RNF115: variants seen among roughly 807,000 people sequenced by gnomAD.
The protein encoded by RNF115 is E3 ubiquitin-protein ligase RNF115.
A neutral mutation model predicts 39.2 loss-of-function variants in RNF115; 31 were observed. That is an observed-to-expected ratio of 0.79 (90% CI 0.59 to 1.07). RNF115 has a LOEUF of 1.07. RNF115 is among the 50% of genes least tolerant of loss of function. The pLI, the probability that RNF115 is intolerant of heterozygous loss-of-function variation, is 0.00. For synonymous variants in RNF115, 124 were observed against 131.0 expected, an observed-to-expected ratio of 0.95 and a Z score of 0.37; for missense variants, 384 against 381.7, an observed-to-expected ratio of 1.01 and a Z score of -0.05.
rs1321155449 is a variant in RNF115, at chr1:145,767,992, TGGGGAG to T, written c.428+3713_428+3718del. Among the ~76,000 whole-genome samples the T allele has an allele frequency of 4.9e-3, 741 of 151,592 alleles. 35 individuals are homozygous for T. In the East Asian group the frequency reaches 0.11, roughly 22 times the overall value. ...TGGCAAGAGAGGGAGAGGGAGACCG[TGGGGAG>T]AGGGAGAGGGAGAGGGAGAGGGAGC... On this transcript the variant is annotated intron_variant, in intron 4 of 8. Transcript: ENST00000582693.
At chr1:145,785,352 T>C (rs1648333070) in intron 2 of RNF115, among the ~76,000 whole-genome samples, 1 of 152,246 alleles carries the variant, frequency 6.6e-6, no homozygotes, top group African/African-American at 2.4e-5. Context: ...TACACAGTAC[T>C]ATCACCTTTT....
At chr1:145,789,102 G>GTTT in intron 1 of RNF115, 136 bp from the exon 2 acceptor site, 13 of 484,202 alleles carry the variant, frequency 2.7e-5, no homozygotes, top group East Asian at 7.0e-5. Flanking sequence ...AGTAGTTTTT[G>GTTT]TTTTTTTTTT....
intron 1 of RNF115, among the ~76,000 whole-genome samples, chr1:145,802,380 A>G (rs1000992617): frequency 3.9e-5 from 6 of 152,184 alleles, no homozygotes; most frequent in Admixed American, 3.9e-4. Context: ...GGGTGGTTTT[A>G]ATGCATTATT....
chr1:145,801,996 C>T (rs1211250470), intron 1 of RNF115, among the ~76,000 whole-genome samples: 1 of 152,122 alleles, frequency 6.6e-6, no homozygotes, highest in African/African-American at 2.4e-5. Flanking sequence ...CCATGTTGCC[C>T]AAGCTAGTCT....
chr1:145,755,659 A>G (rs1213395975), intron 4 of RNF115, among the ~76,000 whole-genome samples: 1 of 152,204 alleles, frequency 6.6e-6, no homozygotes, highest in Non-Finnish European at 1.5e-5. Context: ...ACTTGAGAGT[A>G]TCTTTGGAAC....
At chr1:145,758,798 T>C (rs1296214567) in intron 4 of RNF115, among the ~76,000 whole-genome samples, 1 of 152,218 alleles carries the variant, frequency 6.6e-6, no homozygotes, top group African/African-American at 2.4e-5. Flanking sequence ...CCCATGTTTT[T>C]GTAGCAGTAA....
At chr1:145,809,095 A>G (rs1258777259) in intron 1 of RNF115, among the ~76,000 whole-genome samples, 1 of 152,146 alleles carries the variant, frequency 6.6e-6, no homozygotes, top group East Asian at 1.9e-4. Context: ...TCTACTGGCC[A>G]CTAACTAATG....
chr1:145,787,015 A>G, intron 2 of RNF115: 1 of 1,254,376 alleles, frequency 8.0e-7, no homozygotes, highest in African/African-American at 1.5e-5. Flanking sequence ...TACATACTGT[A>G]AAATGTGTAG....
rs1384985725 is a variant in RNF115, at chr1:145,740,584, C to T, written c.*6282G>A. ...TCTGGACACGCATCTTAGCCCCAAT[C>T]TGTATGAGTGATTCACAAACACGGG... On this transcript the variant is annotated 3_prime_UTR_variant, in exon 9 of 9. Transcript: ENST00000582693. 1.3e-5 allele frequency: 2 copies of T among 152,252 alleles called. No individual in the cohort carries two copies. Among genetic ancestry groups the T allele is most frequent in the Non-Finnish European group, 2.9e-5 (2 of 68,058 alleles). The allele number at this position is 152,252 out of a possible 1,614,324, so 9.4% of individuals were successfully genotyped here.
intron 4 of RNF115, among the ~76,000 whole-genome samples, chr1:145,763,967 G>A (rs998350240): frequency 2.2e-5 from 3 of 136,024 alleles, no homozygotes; most frequent in Non-Finnish European, 4.6e-5. Flanking sequence ...ATGCCGAGCC[G>A]AAGCTGGACT....
chr1:145,762,365 C>T (rs1553713967), intron 4 of RNF115, among the ~76,000 whole-genome samples: 1 of 152,192 alleles, frequency 6.6e-6, no homozygotes, highest in Admixed American at 6.5e-5. Flanking sequence ...CTGAGGCCTT[C>T]TCAGCCATGT....
chr1:145,796,971 G>C (rs1186863515), intron 1 of RNF115, among the ~76,000 whole-genome samples: 1 of 152,036 alleles, frequency 6.6e-6, no homozygotes, highest in Non-Finnish European at 1.5e-5. Context: ...CTTAAAACTT[G>C]AAAAAGTTAC....
intron 4 of RNF115, among the ~76,000 whole-genome samples, chr1:145,758,608 T>C (rs1158366195): frequency 1.3e-5 from 2 of 152,232 alleles, no homozygotes; most frequent in African/African-American, 4.8e-5. Context: ...AATTATCTTA[T>C]GCTTACACTG....
chr1:145,754,529 T>C (rs1016781253), intron 4 of RNF115, among the ~76,000 whole-genome samples: 2 of 152,076 alleles, frequency 1.3e-5, no homozygotes, highest in Admixed American at 1.3e-4. Context: ...AATTTTTGTA[T>C]TTTTAGTAGA....
Position 145,794,502 on chromosome 1 carries a change from C to CTTTTTTTTTTTTTTTTTTTTTT in RNF115, c.103-5558_103-5537dup, listed in dbSNP as rs57242475. ...ATGGCAAGGGGCATCTAATCTCTTTCTTTTTTTTTTTTTTTTTTTTTTTTT... is the reference window on the plus strand; with the variant it reads ...ATGGCAAGGGGCATCTAATCTCTTTCTTTTTTTTTTTTTTTTTTTTTTTTTTTTTTTTTTTTTTTTTTTTTTT... On this transcript the variant is annotated intron_variant, in intron 1 of 8. Transcript: ENST00000582693. 2.5e-5 allele frequency among the ~76,000 whole-genome samples: 2 copies of CTTTTTTTTTTTTTTTTTTTTTT among 81,098 alleles called. 1 individual carries two copies. Among genetic ancestry groups the CTTTTTTTTTTTTTTTTTTTTTT allele is most frequent in the African/African-American group, 1.0e-4 (2 of 19,366 alleles). 53.2% of individuals were successfully genotyped at this position (81,098 alleles called of 152,430 possible). A position where few individuals can be genotyped will look rare whatever the true frequency, so the allele number is the denominator to read the frequency against.
At chr1:145,771,576 T>C (rs1156359921) in intron 4 of RNF115, 135 bp downstream of exon 4, 5 of 682,796 alleles carry the variant, frequency 7.3e-6, no homozygotes, top group Non-Finnish European at 1.2e-5. Flanking sequence ...CAATTTAGCT[T>C]CACTTTCATC....
chr1:145,769,901 A>C (rs1553715498), intron 4 of RNF115, among the ~76,000 whole-genome samples: 1 of 152,102 alleles, frequency 6.6e-6, no homozygotes, highest in Non-Finnish European at 1.5e-5. Context: ...TACCTAGTTC[A>C]TAGGCTGAAG....
chr1:145,757,166 T>C (rs1177229766), intron 4 of RNF115, among the ~76,000 whole-genome samples: 1 of 152,076 alleles, frequency 6.6e-6, no homozygotes, highest in Non-Finnish European at 1.5e-5. Context: ...CTATCAACCG[T>C]TGGATTAGGG....
In RNF115 at chr1:145,750,515, A is replaced by C; in HGVS notation, c.574-15T>G. The C allele has an allele frequency of 6.2e-7, 1 of 1,604,864 alleles. No homozygotes were observed. The highest frequency in any genetic ancestry group is 8.5e-7 in the Non-Finnish European group (1 of 1,171,880). ...TGTCCTAAAAGCTACAAAAAAAGAG[A>C]AAGAAAAAGACGAAGTGGCAGACAT... On this transcript the variant is annotated splice_polypyrimidine_tract_variant and intron_variant, in intron 6 of 8. Transcript: ENST00000582693.
Sources: allele counts gnomAD v4.1 joint callset (sites outside exome capture counted in the v4.1 genomes callset), GRCh38; gene constraint gnomAD v4.1.1; transcripts MANE v1.5; gene names NCBI Gene and HGNC (gene_info 2026-07-23, HGNC 2026-07-21).